INPP4B: variants seen among roughly 807,000 people sequenced by gnomAD.
INPP4B encodes inositol polyphosphate-4-phosphatase type II B, also known as inositol polyphosphate 4-phosphatase type II.
A neutral mutation model predicts 122.5 loss-of-function variants in INPP4B; 55 were observed. The observed-to-expected ratio is 0.45, with a 90% CI of 0.36 to 0.56. INPP4B has a LOEUF of 0.56. INPP4B is among the 20% of genes least tolerant of loss of function. INPP4B has a pLI of 0.00. For missense variants in INPP4B, 1,000 were observed against 1,097.7 expected, an observed-to-expected ratio of 0.91 and a Z score of 1.26; for synonymous variants, 403 against 388.7, an observed-to-expected ratio of 1.04 and a Z score of -0.43.
rs1033513486 is a variant in INPP4B, at chr4:142,257,825, C to T, written c.688+2667G>A. 4.6e-5 allele frequency among the ~76,000 whole-genome samples: 7 copies of T among 151,592 alleles called. No homozygotes were observed. In the East Asian group the frequency reaches 1.2e-3, roughly 25 times the overall value. ...GCCATCCCCATCAAGCTACAAATGACTTTCTTCACAGAATTGGAAAAAACT... is the reference window on the plus strand; with the variant it reads ...GCCATCCCCATCAAGCTACAAATGATTTTCTTCACAGAATTGGAAAAAACT... On this transcript the variant is annotated intron_variant, in intron 11 of 25. Transcript: ENST00000262992.
At chr4:142,736,534 C>T (rs1766929751) in intron 1 of INPP4B, among the ~76,000 whole-genome samples, 1 of 152,012 alleles carries the variant, frequency 6.6e-6, no homozygotes, top group Non-Finnish European at 1.5e-5. Context: ...AGTTGGATTC[C>T]TAGGTATTTT....
At chr4:142,318,905 A>C (rs556617098) in intron 7 of INPP4B, among the ~76,000 whole-genome samples, 1 of 152,346 alleles carries the variant, frequency 6.6e-6, no homozygotes, top group Middle Eastern at 3.4e-3. Flanking sequence ...CCAATACAGC[A>C]GTGGAACATA....
intron 7 of INPP4B, among the ~76,000 whole-genome samples, chr4:142,339,289 A>C (rs934350297): frequency 6.6e-6 from 1 of 152,212 alleles, no homozygotes; most frequent in African/African-American, 2.4e-5. Flanking sequence ...ACTCTGACTG[A>C]TACAGACTTA....
At chr4:142,307,486 T>C (rs187649360) in intron 8 of INPP4B, among the ~76,000 whole-genome samples, 1 of 152,144 alleles carries the variant, frequency 6.6e-6, no homozygotes, top group Non-Finnish European at 1.5e-5. Flanking sequence ...CTGGTACATA[T>C]TTACTGACAA....
chr4:142,120,389 G>A (rs1796069449), intron 21 of INPP4B, among the ~76,000 whole-genome samples: 1 of 152,020 alleles, frequency 6.6e-6, no homozygotes, highest in African/African-American at 2.4e-5. Flanking sequence ...GATTTAGATA[G>A]CGATTGCAAT....
At chr4:142,451,713 A>G (rs1010197665) in intron 3 of INPP4B, among the ~76,000 whole-genome samples, 1 of 152,194 alleles carries the variant, frequency 6.6e-6, no homozygotes, top group Non-Finnish European at 1.5e-5. Context: ...CACAGTGAGT[A>G]ATCCATGATC....
intron 14 of INPP4B, among the ~76,000 whole-genome samples, chr4:142,197,349 C>A (rs1345298654): frequency 6.6e-6 from 1 of 152,026 alleles, no homozygotes; most frequent in African/African-American, 2.4e-5. Flanking sequence ...CATTTCTTTG[C>A]CACTGAAATT....
chr4:142,120,907 A>G (rs1301804543), intron 21 of INPP4B, among the ~76,000 whole-genome samples: 1 of 152,046 alleles, frequency 6.6e-6, no homozygotes, highest in East Asian at 1.9e-4. Context: ...CCTTTTGGAG[A>G]GAGGGTGTGC....
chr4:142,172,621 T>C (rs569129090), intron 16 of INPP4B, among the ~76,000 whole-genome samples: 2 of 151,444 alleles, frequency 1.3e-5, no homozygotes, highest in African/African-American at 2.4e-5. Context: ...AAAATAGGTA[T>C]GTTTTCTCCT....
chr4:142,090,614 G>A (rs10014809), intron 23 of INPP4B, among the ~76,000 whole-genome samples: 38,084 of 151,872 alleles, frequency 0.25, 4,837 homozygotes, highest in East Asian at 0.3. Context: ...TATAGCCAAA[G>A]AGTCTTGCTT....
intron 2 of INPP4B, among the ~76,000 whole-genome samples, chr4:142,657,738 A>G (rs1040822032): frequency 6.6e-5 from 10 of 152,208 alleles, no homozygotes; most frequent in Admixed American, 2.6e-4. Context: ...AATAGGTTAT[A>G]AAATGTTTTT....
At chr4:142,666,202 G>A (rs890390312) in intron 2 of INPP4B, among the ~76,000 whole-genome samples, 1 of 151,992 alleles carries the variant, frequency 6.6e-6, no homozygotes, top group East Asian at 1.9e-4. Context: ...GAACTAGGAA[G>A]GTATTGCTTA....
intron 23 of INPP4B, among the ~76,000 whole-genome samples, chr4:142,097,720 G>A (rs1217418276): frequency 1.3e-5 from 2 of 152,140 alleles, no homozygotes; most frequent in Non-Finnish European, 2.9e-5. Context: ...ATGTGATAAT[G>A]TGAATTCCAA....
intron 2 of INPP4B, among the ~76,000 whole-genome samples, chr4:142,655,692 C>T (rs377038143): frequency 1.3e-5 from 2 of 152,294 alleles, no homozygotes; most frequent in East Asian, 1.9e-4. Context: ...TGGCAACATA[C>T]TGTAGATTAC....
intron 2 of INPP4B, among the ~76,000 whole-genome samples, chr4:142,466,956 C>T (rs1817902714): frequency 6.6e-6 from 1 of 152,160 alleles, no homozygotes; most frequent in South Asian, 2.1e-4. Context: ...TGGTGTTAAG[C>T]CTGCAGGTGC....
intron 1 of INPP4B, among the ~76,000 whole-genome samples, chr4:142,834,146 G>T (rs1488592811): frequency 6.6e-6 from 1 of 152,014 alleles, no homozygotes; most frequent in East Asian, 1.9e-4. Flanking sequence ...ATATTTTTAT[G>T]TGGTTTTACT....
chr4:142,320,743 ATGTT>A (rs1769689816), intron 7 of INPP4B, among the ~76,000 whole-genome samples: 1 of 152,146 alleles, frequency 6.6e-6, no homozygotes. Context: ...GAGAAATACT[ATGTT>A]TGGTTTTCCA....
At chr4:142,655,558 A>G (rs898560024) in intron 2 of INPP4B, among the ~76,000 whole-genome samples, 1 of 152,170 alleles carries the variant, frequency 6.6e-6, no homozygotes, top group Admixed American at 6.5e-5. Context: ...TTTTTTAAAA[A>G]CCCTGCACCT....
intron 25 of INPP4B, among the ~76,000 whole-genome samples, chr4:142,078,885 G>A (rs1772287467): frequency 6.6e-6 from 1 of 151,934 alleles, no homozygotes; most frequent in African/African-American, 2.4e-5. Flanking sequence ...AACTGCAACT[G>A]ATGTTAAATA....
Sources: allele counts gnomAD v4.1 joint callset (sites outside exome capture counted in the v4.1 genomes callset), GRCh38; gene constraint gnomAD v4.1.1; transcripts MANE v1.5; gene names NCBI Gene and HGNC (gene_info 2026-07-23, HGNC 2026-07-21).